PCLO: variants seen among roughly 807,000 people sequenced by gnomAD.
PCLO encodes piccolo presynaptic cytomatrix protein.
In PCLO, 82 loss-of-function variants were observed where a neutral mutation model predicts 427.5. The observed-to-expected ratio is 0.19, with a 90% CI of 0.16 to 0.23. The LOEUF is 0.23. Among genes scored for constraint, PCLO ranks in the 10% least tolerant of loss-of-function variants. The probability of loss-of-function intolerance (pLI) is 1.00; values close to 1 mark genes in which losing one functional copy is unlikely to be tolerated. For missense variants in PCLO, 6,239 were observed against 6,115.9 expected, an observed-to-expected ratio of 1.02 and a Z score of -0.67; for synonymous variants, 2,357 against 2,155.4, an observed-to-expected ratio of 1.09 and a Z score of -2.59.
chr7:82,984,408 C>CTGTGTG (rs5885327), intron 3 of PCLO, among the ~76,000 whole-genome samples: 9,322 of 135,814 alleles, frequency 0.069, 368 homozygotes, highest in East Asian at 0.11. Context: ...AATGTGGTGT[C>CTGTGTG]TGTGTGTGTG....
chr7:83,016,851 G>A (rs1260410999), intron 3 of PCLO, among the ~76,000 whole-genome samples: 2 of 152,076 alleles, frequency 1.3e-5, no homozygotes, highest in Non-Finnish European at 2.9e-5. Flanking sequence ...CATATCAACT[G>A]TCCCTTTAGG....
chr7:82,813,990 G>T (rs1791624838), intron 20 of PCLO, among the ~76,000 whole-genome samples: 1 of 151,730 alleles, frequency 6.6e-6, no homozygotes, highest in Admixed American at 6.6e-5. Context: ...AATGGAAGAT[G>T]AAATTAATTG....
chr7:82,868,125 C>A lies in PCLO; in HGVS notation c.13654+11212G>T, dbSNP rs1207958561. 1.1e-5 allele frequency: 5 copies of A among 456,470 alleles called. No homozygotes were observed. The Admixed American group carries it at 1.2e-4, about 11-fold the overall frequency. 28.3% of individuals were successfully genotyped at this position (456,470 alleles called of 1,614,324 possible). A position where few individuals can be genotyped will look rare whatever the true frequency, so the allele number is the denominator to read the frequency against. ...TCCGTACCTGGTAATCCCCCTGGAACAAGAACAAGGAAGCTCACTCATCTG... is the reference window on the plus strand; with the variant it reads ...TCCGTACCTGGTAATCCCCCTGGAAAAAGAACAAGGAAGCTCACTCATCTG... On this transcript the variant is annotated intron_variant, in intron 10 of 24. Coordinates refer to ENST00000333891, the MANE Select transcript of PCLO (RefSeq NM_033026.6).
At chr7:83,084,308 C>T (rs1790176443) in intron 3 of PCLO, among the ~76,000 whole-genome samples, 1 of 151,624 alleles carries the variant, frequency 6.6e-6, no homozygotes, top group Admixed American at 6.6e-5. Context: ...TTGAAATGAC[C>T]GTTTTAAGGC....
chr7:82,915,215 T>C lies in PCLO; in HGVS notation c.12771A>G (p.Gly4257=). The C allele has an allele frequency of 8.1e-6, 13 of 1,612,862 alleles. No homozygotes were observed. Among genetic ancestry groups the C allele is most frequent in the Non-Finnish European group, 1.1e-5 (13 of 1,179,466 alleles). The change falls in exon 7 of 25, where the codon GGA becomes GGG. Residue 4257 remains glycine, a synonymous_variant. Coordinates refer to ENST00000333891, the MANE Select transcript of PCLO (RefSeq NM_033026.6). The part of the protein sequence containing the change: ...KNITDQQKFM[G]SSLGTGLGTL... ...TGCCCAGTCCTGTGCCAAGAGAAGA[T>C]CCCATAAATTTTTGTTGGTCTGTAA...
intron 20 of PCLO, among the ~76,000 whole-genome samples, chr7:82,809,209 C>G (rs987001868): frequency 6.6e-6 from 1 of 151,756 alleles, no homozygotes; most frequent in Admixed American, 6.6e-5. Context: ...CCACCACATT[C>G]TTTATTTTGC....
chr7:82,974,106 G>A (rs1284042537), intron 3 of PCLO, among the ~76,000 whole-genome samples: 2 of 152,032 alleles, frequency 1.3e-5, no homozygotes, highest in Non-Finnish European at 2.9e-5. Flanking sequence ...GATATATATG[G>A]CTGGGTGCAG....
At chr7:82,777,908 A>T (rs369944317) in intron 22 of PCLO, among the ~76,000 whole-genome samples, 3 of 152,334 alleles carry the variant, frequency 2.0e-5, no homozygotes. Context: ...TAAAAGCAAA[A>T]ATTGACAAAT....
chr7:83,086,115 T>A (rs184649799), intron 3 of PCLO, among the ~76,000 whole-genome samples: 1 of 112,218 alleles, frequency 8.9e-6, no homozygotes, highest in Non-Finnish European at 2.0e-5. Flanking sequence ...TCCTTTTTTT[T>A]TCTTTTTTTT....
chr7:82,845,123 A>G (rs1301890658), intron 13 of PCLO, 148 bp downstream of exon 13: 1 of 630,200 alleles, frequency 1.6e-6, no homozygotes, highest in Non-Finnish European at 2.8e-6. Flanking sequence ...TACTCAGAAG[A>G]GAAAAAATGT....
chr7:83,127,297 T>C (rs141964610), intron 3 of PCLO, among the ~76,000 whole-genome samples: 52 of 151,868 alleles, frequency 3.4e-4, no homozygotes, highest in African/African-American at 1.2e-3. Context: ...TAAGTTCACA[T>C]ATTTGTTTCA....
chr7:82,810,421 T>C (rs897826089), intron 20 of PCLO, among the ~76,000 whole-genome samples: 13 of 148,844 alleles, frequency 8.7e-5, no homozygotes, highest in African/African-American at 2.9e-4. Context: ...CATTTTTGTG[T>C]CTACTTTCTT....
At chr7:83,084,501 T>C (rs1202949304) in intron 3 of PCLO, among the ~76,000 whole-genome samples, 3 of 152,168 alleles carry the variant, frequency 2.0e-5, no homozygotes, top group Non-Finnish European at 4.4e-5. Context: ...GGCATGCTGA[T>C]ACTAAAAATT....
intron 3 of PCLO, among the ~76,000 whole-genome samples, chr7:82,981,512 A>G (rs145479589): frequency 6.6e-6 from 1 of 152,302 alleles, no homozygotes; most frequent in Non-Finnish European, 1.5e-5. Flanking sequence ...TAATGAGACT[A>G]AATGACATAT....
chr7:83,122,867 A>C (rs1009656060), intron 3 of PCLO, among the ~76,000 whole-genome samples: 2 of 152,184 alleles, frequency 1.3e-5, no homozygotes, highest in Non-Finnish European at 2.9e-5. Flanking sequence ...CAAAATAAGA[A>C]AGTAACTTTT....
chr7:83,046,801 G>C (rs545013689), intron 3 of PCLO, among the ~76,000 whole-genome samples: 2 of 152,032 alleles, frequency 1.3e-5, no homozygotes, highest in East Asian at 3.9e-4. Context: ...TTTTAAAAAA[G>C]AGCCGTGGGT....
intron 3 of PCLO, among the ~76,000 whole-genome samples, chr7:83,113,110 A>G (rs1448234994): frequency 1.3e-5 from 2 of 152,236 alleles, no homozygotes; most frequent in Non-Finnish European, 2.9e-5. Flanking sequence ...TACTGTTCTG[A>G]AAGTTGTACA....
At chr7:82,948,289 T>A (rs568222278) in intron 6 of PCLO, among the ~76,000 whole-genome samples, 1 of 131,792 alleles carries the variant, frequency 7.6e-6, no homozygotes, top group East Asian at 2.6e-4. Flanking sequence ...CTTATACTAC[T>A]TTGAGAAAAA....
intron 10 of PCLO, among the ~76,000 whole-genome samples, chr7:82,862,911 GAATA>G (rs1792997947): frequency 6.6e-6 from 1 of 151,930 alleles, no homozygotes; most frequent in African/African-American, 2.4e-5. Context: ...ACAAAAAATA[GAATA>G]AATAAGACCT....
Sources: gnomAD v4.1 joint callset for allele counts (sites outside exome capture counted in the v4.1 genomes callset) on GRCh38, gnomAD v4.1.1 for gene constraint, MANE v1.5 for transcripts, NCBI Gene and HGNC (gene_info 2026-07-23, HGNC 2026-07-21) for gene names.